Variants in SLC6A15 observed in about 807,000 individuals in gnomAD.
SLC6A15 encodes the protein solute carrier family 6 member 15.
In SLC6A15, 33 loss-of-function variants were observed where a neutral mutation model predicts 68.5. The observed-to-expected ratio is 0.48, with a 90% CI of 0.37 to 0.64. The LOEUF (loss-of-function observed/expected upper bound fraction) is 0.64, where lower values mean the gene tolerates loss of function less well. Ranked by LOEUF, SLC6A15 falls within the 30% of genes least tolerant of loss-of-function variation. The probability of loss-of-function intolerance (pLI) is 0.00; values close to 1 mark genes in which losing one functional copy is unlikely to be tolerated. For missense variants in SLC6A15, 747 were observed against 874.3 expected, an observed-to-expected ratio of 0.85 and a Z score of 1.84; for synonymous variants, 347 against 301.0, an observed-to-expected ratio of 1.15 and a Z score of -1.58.
chr12:84,867,161 G>A lies in SLC6A15; in HGVS notation c.1528C>T (p.Leu510=). Reference sequence around the variant, plus strand: ...TTTCCAGAGCGTTGCACAAATATCAGGCCAATACAAAATGCCAGAAGACAA... The same window carrying A: ...TTTCCAGAGCGTTGCACAAATATCAAGCCAATACAAAATGCCAGAAGACAA... ...ICCLLAFCIG[L]IFVQRSGNYF... is the part of the protein sequence containing the mutation. Residue 510 remains leucine, a synonymous_variant, in exon 10 of 12, where the codon CTG becomes TTG. Coordinates refer to ENST00000266682, the MANE Select transcript of SLC6A15 (RefSeq NM_182767.6). 1 of 1,606,300 alleles carries A rather than the reference G, an allele frequency of 6.2e-7. No individual in the cohort carries two copies. Among genetic ancestry groups the A allele is most frequent in the Non-Finnish European group, 8.5e-7 (1 of 1,176,734 alleles).
intron 1 of SLC6A15, among the ~76,000 whole-genome samples, chr12:84,902,903 G>C (rs896094695): frequency 1.3e-5 from 2 of 152,054 alleles, no homozygotes; most frequent in African/African-American, 2.4e-5. Flanking sequence ...ATATGGTAAG[G>C]CACACAGGTT....
chr12:84,883,865 A>G lies in SLC6A15; in HGVS notation c.750T>C (p.Ser250=). The part of the protein sequence containing the change: ...CLAMIKGIQS[S]GKIIYFSSLF... Reference sequence around the variant, plus strand: ...AGGGCTCTAACATACTAACTTTTCCAGAAGACTGAATGCCTTTGATCATAG... The same window carrying G: ...AGGGCTCTAACATACTAACTTTTCCGGAAGACTGAATGCCTTTGATCATAG... Residue 250 remains serine (S), a synonymous_variant, in exon 5 of 12, where the codon TCT becomes TCC. Coordinates refer to ENST00000266682, the MANE Select transcript of SLC6A15 (RefSeq NM_182767.6). 6.2e-7 allele frequency: 1 copy of G among 1,614,112 alleles called. No individual in the cohort carries two copies. The highest frequency in any genetic ancestry group is 8.5e-7 in the Non-Finnish European group (1 of 1,179,998).
chr12:84,881,013 A>G (rs17012477), intron 5 of SLC6A15: 2,376 of 233,514 alleles, frequency 0.01, 74 homozygotes, highest in African/African-American at 0.054. Context: ...AAATGGGGAT[A>G]AAATATGCAA....
Position 84,871,684 on chromosome 12 carries a change from C to T in SLC6A15, c.1302+918G>A, listed in dbSNP as rs77483547. ...GCTTTACTTTTTAATGAATAATATCCACACATGATTCTTTATGTTAGTCTC... is the reference window on the plus strand; with the variant it reads ...GCTTTACTTTTTAATGAATAATATCTACACATGATTCTTTATGTTAGTCTC... On this transcript the variant is annotated intron_variant, in intron 8 of 11. Coordinates refer to ENST00000266682, the MANE Select transcript of SLC6A15 (RefSeq NM_182767.6). Among the ~76,000 whole-genome samples, 625 of 151,926 alleles carry T rather than the reference C, an allele frequency of 4.1e-3. 5 individuals are homozygous for T. The highest frequency in any genetic ancestry group is 0.015 in the African/African-American group (611 of 41,464).
Position 84,875,539 on chromosome 12 carries a change from A to G in SLC6A15, c.867+958T>C, listed in dbSNP as rs558490554. Among the ~76,000 whole-genome samples the G allele has an allele frequency of 2.1e-3, 317 of 151,404 alleles. 2 individuals are homozygous for G. Among genetic ancestry groups the G allele is most frequent in the Non-Finnish European group, 2.8e-3 (187 of 67,856 alleles). The stretch of plus-strand genomic sequence containing the variant: ...ACAGCACAATGCTGCCTGCACATTC[A>G]TCCTTCAGATAACTTTTAATTTCTA... On this transcript the variant is annotated intron_variant, in intron 6 of 11. Coordinates refer to ENST00000266682, the MANE Select transcript of SLC6A15 (RefSeq NM_182767.6).
In SLC6A15 at chr12:84,860,877, AG is replaced by A. The variant is rs1265210025; in HGVS notation, c.*754del. ...AATCTTGAAACCACAATAAATATCA[AG>A]TAGGTTTTTAGGCACACGGCATAAG... On this transcript the variant is annotated 3_prime_UTR_variant, in exon 12 of 12. Coordinates refer to ENST00000266682, the MANE Select transcript of SLC6A15 (RefSeq NM_182767.6). The A allele has an allele frequency of 6.6e-6, 1 of 152,172 alleles. No individual in the cohort carries two copies. Among genetic ancestry groups the A allele is most frequent in the African/African-American group, 2.4e-5 (1 of 41,450 alleles). 9.4% of individuals were successfully genotyped at this position (152,172 alleles called of 1,614,324 possible).
chr12:84,883,730 C>G, intron 5 of SLC6A15, 129 bp downstream of exon 5: 1 of 1,598,950 alleles, frequency 6.3e-7, no homozygotes, highest in Middle Eastern at 1.7e-4. Flanking sequence ...TCACTTTTCA[C>G]TAATATTTAA....
At position 84,892,167 on chromosome 12, in the gene SLC6A15, T is replaced by C. The variant is rs373348128; in HGVS notation, c.-47A>G. 352 of 1,378,854 alleles carry C rather than the reference T, an allele frequency of 2.6e-4. 2 individuals carry two copies. Among genetic ancestry groups the C allele is most frequent in the Non-Finnish European group, 3.4e-4 (339 of 1,006,638 alleles). 85.4% of individuals were successfully genotyped at this position (1,378,854 alleles called of 1,614,324 possible). A position where few individuals can be genotyped will look rare whatever the true frequency, so the allele number is the denominator to read the frequency against. On this transcript the variant is annotated 5_prime_UTR_variant, in exon 2 of 12. Transcript: ENST00000266682. ...AAAAAAAAAAAAAAAAACTCCCTTA[T>C]GGCAAATGTGTTAACTCTATTTTTC...
chr12:84,910,500 CTGTT>C (rs1398427547), intron 1 of SLC6A15, among the ~76,000 whole-genome samples: 4 of 152,162 alleles, frequency 2.6e-5, no homozygotes, highest in African/African-American at 7.2e-5. Flanking sequence ...AAAATACATA[CTGTT>C]TGTTAGTCCA....
chr12:84,881,152 T>A (rs148984336), intron 5 of SLC6A15: 115 of 154,514 alleles, frequency 7.4e-4, no homozygotes, highest in South Asian at 3.7e-3. Flanking sequence ...TTGGGGCTTC[T>A]CATTTCTGTC....
chr12:84,884,966 T>C (rs532220592), intron 4 of SLC6A15, among the ~76,000 whole-genome samples: 146 of 152,046 alleles, frequency 9.6e-4, no homozygotes, highest in African/African-American at 3.3e-3. Flanking sequence ...CTATGTTTAC[T>C]AGACATCACT....
intron 2 of SLC6A15, among the ~76,000 whole-genome samples, chr12:84,890,191 G>C (rs1002529530): frequency 6.6e-6 from 1 of 152,036 alleles, no homozygotes; most frequent in Non-Finnish European, 1.5e-5. Flanking sequence ...CCATTTAGTA[G>C]AAAAGAAATA....
intron 1 of SLC6A15, among the ~76,000 whole-genome samples, chr12:84,910,515 A>G (rs1873385835): frequency 6.6e-6 from 1 of 152,220 alleles, no homozygotes; most frequent in Admixed American, 6.5e-5. Context: ...TGTTAGTCCA[A>G]ACTGCACCAT....
chr12:84,883,850 CA>C lies in SLC6A15; in HGVS notation c.756+8del. On this transcript the variant is annotated splice_region_variant and intron_variant, in intron 5 of 11. Transcript: ENST00000266682. ...TTAGCAGAATGAGGAAGGGCTCTAA[CA>C]TACTAACTTTTCCAGAAGACTGAAT... 6.2e-7 allele frequency: 1 copy of C among 1,614,068 alleles called. No homozygotes were observed. The highest frequency in any genetic ancestry group is 8.5e-7 in the Non-Finnish European group (1 of 1,180,010).
chr12:84,902,805 T>C (rs1040880442), intron 1 of SLC6A15, among the ~76,000 whole-genome samples: 58 of 152,070 alleles, frequency 3.8e-4, no homozygotes, highest in African/African-American at 1.2e-3. Flanking sequence ...AACATAATTA[T>C]AGAAATAAAC....
At chr12:84,896,123 T>C (rs1872628754) in intron 1 of SLC6A15, among the ~76,000 whole-genome samples, 1 of 152,138 alleles carries the variant, frequency 6.6e-6, no homozygotes, top group Non-Finnish European at 1.5e-5. Flanking sequence ...TGATAGACAA[T>C]CAACTAAGGA....
At chr12:84,886,151 T>C in intron 2 of SLC6A15, 83 bp from the exon 3 acceptor site, 1 of 959,884 alleles carries the variant, frequency 1.0e-6, no homozygotes, top group Non-Finnish European at 1.5e-6. Flanking sequence ...TTAAAGATAA[T>C]ATTTGAATTA....
In SLC6A15 at chr12:84,863,430, T is replaced by A; in HGVS notation, c.1818+9A>T. 1 of 1,544,436 alleles carries A rather than the reference T, an allele frequency of 6.5e-7. No homozygotes were observed. Among genetic ancestry groups the A allele is most frequent in the Non-Finnish European group, 8.7e-7 (1 of 1,155,394 alleles). On this transcript the variant is annotated intron_variant, in intron 11 of 11. Coordinates refer to ENST00000266682, the MANE Select transcript of SLC6A15 (RefSeq NM_182767.6). ...TTTTAAAAATGTAATTCCCTTATTTTGTATTTACCTTATCTTCAATCCATG... is the reference window on the plus strand; with the variant it reads ...TTTTAAAAATGTAATTCCCTTATTTAGTATTTACCTTATCTTCAATCCATG...
intron 1 of SLC6A15, among the ~76,000 whole-genome samples, chr12:84,908,709 G>T: frequency 6.6e-6 from 1 of 150,768 alleles, no homozygotes; most frequent in Middle Eastern, 3.5e-3. Context: ...AATATTTTCT[G>T]TATATTCAAG....
Sources: gnomAD v4.1 joint callset for allele counts (sites outside exome capture counted in the v4.1 genomes callset) on GRCh38, gnomAD v4.1.1 for gene constraint, MANE v1.5 for transcripts, NCBI Gene and HGNC (gene_info 2026-07-23, HGNC 2026-07-21) for gene names.